The following LRRC37A2 variants were observed in gnomAD, a reference collection of about 807,000 sequenced individuals.
LRRC37A2 encodes the protein leucine-rich repeat-containing protein 37A2.
Under a neutral mutation model 68.8 loss-of-function variants are expected in LRRC37A2, and 9 were observed. The observed-to-expected ratio is 0.13, with a 90% CI of 0.08 to 0.23. The LOEUF is 0.23. Among genes scored for constraint, LRRC37A2 ranks in the 10% least tolerant of loss-of-function variants. The pLI, the probability that LRRC37A2 is intolerant of heterozygous loss-of-function variation, is 1.00. For synonymous variants in LRRC37A2, 63 were observed against 367.6 expected, an observed-to-expected ratio of 0.17 and a Z score of 9.48; for missense variants, 168 against 950.4, an observed-to-expected ratio of 0.18 and a Z score of 10.82.
the LRRC37A2 span, among the ~76,000 whole-genome samples, chr17:46,803,884 C>T: frequency 6.6e-5 from 10 of 152,186 alleles, no homozygotes; most frequent in East Asian, 1.9e-4. Flanking sequence ...ATTCTCATGG[C>T]GCAGCTGAAG....
the LRRC37A2 span, chr17:47,033,441 G>T: frequency 2.9e-6 from 2 of 690,998 alleles, no homozygotes; most frequent in South Asian, 3.1e-5. Flanking sequence ...CGCATATTGG[G>T]TGAGGGTCTA....
At chr17:46,797,044 T>G in the LRRC37A2 span, among the ~76,000 whole-genome samples, 1 of 152,172 alleles carries the variant, frequency 6.6e-6, no homozygotes, top group Non-Finnish European at 1.5e-5. Context: ...AGGTTAAATA[T>G]TTTTGGAAAA....
At chr17:46,951,888 T>C in the LRRC37A2 span, among the ~76,000 whole-genome samples, 1 of 151,738 alleles carries the variant, frequency 6.6e-6, no homozygotes, top group Non-Finnish European at 1.5e-5. Flanking sequence ...CCTCGCTGCT[T>C]CTCCCCCCCA....
At chr17:46,919,111 G>A in the LRRC37A2 span, among the ~76,000 whole-genome samples, 1 of 152,184 alleles carries the variant, frequency 6.6e-6, no homozygotes, top group Non-Finnish European at 1.5e-5. Context: ...GTAAGGTGGT[G>A]TCTTACTCAT....
chr17:46,780,319 G>T, the LRRC37A2 span, among the ~76,000 whole-genome samples: 3 of 152,134 alleles, frequency 2.0e-5, no homozygotes. Context: ...GATCCATTAG[G>T]GTAGGCAGTC....
At chr17:47,027,694 C>T in the LRRC37A2 span, 6 of 778,548 alleles carry the variant, frequency 7.7e-6, no homozygotes, top group Admixed American at 2.3e-5. Flanking sequence ...AACCTCTTTG[C>T]TATTCTTGAA....
At chr17:47,020,781 CAAAAAAAAA>C in the LRRC37A2 span, among the ~76,000 whole-genome samples, 29 of 20,110 alleles carry the variant, frequency 1.4e-3, no homozygotes, top group African/African-American at 6.2e-3. Context: ...GACTCCATCT[CAAAAAAAAA>C]AAAAAAAAAA....
chr17:46,950,138 C>T, the LRRC37A2 span, among the ~76,000 whole-genome samples: 5 of 152,220 alleles, frequency 3.3e-5, no homozygotes, highest in Non-Finnish European at 7.3e-5. Flanking sequence ...TTCTCTTTCT[C>T]AGTTGTTGCC....
At chr17:46,839,996 C>G in the LRRC37A2 span, among the ~76,000 whole-genome samples, 9 of 55,620 alleles carry the variant, frequency 1.6e-4, no homozygotes, top group South Asian at 6.8e-3. Flanking sequence ...TTTCTTTTTT[C>G]TTTCTTCTTT....
chr17:46,992,991 T>G, the LRRC37A2 span, among the ~76,000 whole-genome samples: 5 of 148,694 alleles, frequency 3.4e-5, no homozygotes, highest in Non-Finnish European at 5.9e-5. Context: ...TATACACACA[T>G]GCAAACAGAC....
the LRRC37A2 span, chr17:47,019,658 G>C: frequency 0.097 from 135,032 of 1,398,340 alleles, 7,612 homozygotes; most frequent in Non-Finnish European, 0.11. Context: ...CAGAGGAACA[G>C]AAGGCCTCCA....
At chr17:46,928,839 G>T in the LRRC37A2 span, among the ~76,000 whole-genome samples, 5 of 152,068 alleles carry the variant, frequency 3.3e-5, no homozygotes, top group African/African-American at 7.2e-5. Context: ...TTCACCAAAT[G>T]ATGTCTCCCT....
chr17:46,818,538 G>A, the LRRC37A2 span: 2 of 1,608,498 alleles, frequency 1.2e-6, no homozygotes, highest in South Asian at 1.1e-5. Context: ...GGTAGCCAGC[G>A]AGGACCCTGG....
chr17:46,943,997 C>A, the LRRC37A2 span, among the ~76,000 whole-genome samples: 1 of 152,154 alleles, frequency 6.6e-6, no homozygotes, highest in Admixed American at 6.5e-5. Context: ...AGGCTGACTC[C>A]TGGCTTAGCA....
the LRRC37A2 span, among the ~76,000 whole-genome samples, chr17:46,914,366 C>T: frequency 6.6e-6 from 1 of 151,544 alleles, no homozygotes; most frequent in African/African-American, 2.4e-5. Context: ...TATCCTATTT[C>T]GGCTGGGCGC....
the LRRC37A2 span, among the ~76,000 whole-genome samples, chr17:46,494,793 A>G: frequency 6.6e-6 from 1 of 151,246 alleles, no homozygotes; most frequent in African/African-American, 2.5e-5. Context: ...TAGGGTATCC[A>G]TCATCTCAGA....
the LRRC37A2 span, chr17:46,722,222 C>T: frequency 4.3e-6 from 6 of 1,399,894 alleles, no homozygotes; most frequent in Admixed American, 3.4e-5. Context: ...CCAAATCTCG[C>T]GAGAGCACGT....
At chr17:46,901,400 G>T in the LRRC37A2 span, among the ~76,000 whole-genome samples, 2 of 152,140 alleles carry the variant, frequency 1.3e-5, no homozygotes, top group African/African-American at 4.8e-5. Context: ...GACCTCAGGT[G>T]ATCCGCCTGC....
At chr17:46,534,995 A>T (rs2054430623) in intron 6 of LRRC37A2, among the ~76,000 whole-genome samples, 1 of 148,650 alleles carries the variant, frequency 6.7e-6, no homozygotes, top group African/African-American at 2.6e-5. Context: ...GATGCTCCTC[A>T]CCTCCCAGAC....
Sources: allele counts gnomAD v4.1 joint callset (sites outside exome capture counted in the v4.1 genomes callset), GRCh38; gene constraint gnomAD v4.1.1; transcripts MANE v1.5; gene names NCBI Gene and HGNC (gene_info 2026-07-23, HGNC 2026-07-21).